Variants in KCNT2 observed in about 807,000 individuals in gnomAD.
The protein encoded by KCNT2 is potassium channel subfamily T member 2.
A neutral mutation model predicts 153.8 loss-of-function variants in KCNT2; 67 were observed. That is an observed-to-expected ratio of 0.44 (90% CI 0.36 to 0.53). KCNT2 has a LOEUF of 0.53. KCNT2 is among the 20% of genes least tolerant of loss of function. KCNT2 has a pLI of 0.00. For synonymous variants in KCNT2, 500 were observed against 458.8 expected, an observed-to-expected ratio of 1.09 and a Z score of -1.15; for missense variants, 975 against 1,354.8, an observed-to-expected ratio of 0.72 and a Z score of 4.40.
At chr1:196,442,703 C>T (rs1364268098) in intron 8 of KCNT2, among the ~76,000 whole-genome samples, 2 of 151,492 alleles carry the variant, frequency 1.3e-5, no homozygotes, top group African/African-American at 4.8e-5. Context: ...AAAACAACAA[C>T]AACAGGACTC....
chr1:196,427,831 A>G (rs1467997608), intron 10 of KCNT2, among the ~76,000 whole-genome samples: 1 of 152,104 alleles, frequency 6.6e-6, no homozygotes, highest in Non-Finnish European at 1.5e-5. Flanking sequence ...AGAAAAAGCA[A>G]TCTTTTAATT....
At chr1:196,535,239 A>G (rs1034064439) in intron 1 of KCNT2, among the ~76,000 whole-genome samples, 2 of 152,216 alleles carry the variant, frequency 1.3e-5, no homozygotes, top group African/African-American at 4.8e-5. Flanking sequence ...TGATGTATTC[A>G]CCATGTGGTC....
chr1:196,299,444 A>G (rs1660977314), intron 22 of KCNT2, among the ~76,000 whole-genome samples: 1 of 152,188 alleles, frequency 6.6e-6, no homozygotes, highest in African/African-American at 2.4e-5. Context: ...TGTTACCAAG[A>G]TGGCAGAATA....
Position 196,305,290 on chromosome 1 carries a change from A to C in KCNT2, c.2539T>G (p.Phe847Val). The C allele has an allele frequency of 6.2e-7, 1 of 1,613,038 alleles. No homozygotes were observed. Among genetic ancestry groups the C allele is most frequent in the South Asian group, 1.1e-5 (1 of 91,068 alleles). ...CAGTCTTTGGCTCTGAATTGCATGA[A>C]TCTCATGTTGGCGGGGTGAGTTAGC... ...TELTHPANMRFMQFRAKDCYS... is the reference protein window; with the variant it reads ...TELTHPANMRVMQFRAKDCYS... The change falls in exon 22 of 28, where the codon TTC becomes GTC. Residue 847 changes from phenylalanine (F) to valine (V), a missense_variant. Phe to Val is a conservative substitution (Grantham distance 50). Coordinates refer to ENST00000294725, the MANE Select transcript of KCNT2 (RefSeq NM_198503.5).
At chr1:196,578,772 T>G (rs574394440) in intron 1 of KCNT2, among the ~76,000 whole-genome samples, 1 of 152,262 alleles carries the variant, frequency 6.6e-6, no homozygotes, top group African/African-American at 2.4e-5. Flanking sequence ...CTACCCCCCA[T>G]GTCACCCACA....
intron 1 of KCNT2, among the ~76,000 whole-genome samples, chr1:196,518,007 C>T (rs762982127): frequency 6.6e-6 from 1 of 152,080 alleles, no homozygotes; most frequent in Admixed American, 6.5e-5. Flanking sequence ...TTAAAGGCAG[C>T]TAGAGAGAAA....
In KCNT2 at chr1:196,342,096, A is replaced by T; in HGVS notation, c.1536T>A (p.Ser512=). ...AAACATACTTTTTGTGTGCATGGAA[A>T]GAGGCATATGTAAAACTCTTTCCTT... ...EYEGKSFTYA[S]FHAHKKFGVC... Residue 512 remains serine, a synonymous_variant, in exon 15 of 28, where the codon TCT becomes TCA. Coordinates refer to ENST00000294725, the MANE Select transcript of KCNT2 (RefSeq NM_198503.5). 6.2e-7 allele frequency: 1 copy of T among 1,603,088 alleles called. No individual in the cohort carries two copies. Among genetic ancestry groups the T allele is most frequent in the Non-Finnish European group, 8.5e-7 (1 of 1,174,808 alleles).
At chr1:196,430,214 G>A (rs1186330692) in intron 8 of KCNT2, among the ~76,000 whole-genome samples, 1 of 151,890 alleles carries the variant, frequency 6.6e-6, no homozygotes, top group Non-Finnish European at 1.5e-5. Flanking sequence ...ATTGCCAAAT[G>A]CTATGGTTTG....
At chr1:196,253,306 T>C (rs1656155556) in intron 26 of KCNT2, among the ~76,000 whole-genome samples, 1 of 151,388 alleles carries the variant, frequency 6.6e-6, no homozygotes, top group Non-Finnish European at 1.5e-5. Flanking sequence ...TTTATGTACA[T>C]TGATAGTTTT....
intron 26 of KCNT2, among the ~76,000 whole-genome samples, chr1:196,244,107 T>C (rs1655207804): frequency 6.6e-6 from 1 of 152,120 alleles, no homozygotes. Context: ...GGGAACCTGC[T>C]TCTTTAAACA....
chr1:196,400,892 A>T (rs1416469550), intron 12 of KCNT2, among the ~76,000 whole-genome samples: 1 of 151,796 alleles, frequency 6.6e-6, no homozygotes, highest in African/African-American at 2.4e-5. Context: ...GCATGTTATA[A>T]TTTCCCTGTT....
At chr1:196,458,596 A>G (rs1676882377) in intron 8 of KCNT2, among the ~76,000 whole-genome samples, 1 of 151,952 alleles carries the variant, frequency 6.6e-6, no homozygotes. Flanking sequence ...TTAACTGCAA[A>G]TTATTTATTC....
At chr1:196,235,510 T>TA (rs1327574112) in intron 27 of KCNT2, among the ~76,000 whole-genome samples, 1 of 151,450 alleles carries the variant, frequency 6.6e-6, no homozygotes, top group African/African-American at 2.4e-5. Context: ...GAAAATGCCT[T>TA]AGTCTTTCTA....
At position 196,429,661 on chromosome 1, in the gene KCNT2, G is replaced by A. The variant is rs377111661; in HGVS notation, c.735C>T (p.Phe245=). 6.3e-5 allele frequency: 102 copies of A among 1,612,388 alleles called. No individual in the cohort carries two copies. The highest frequency in any genetic ancestry group is 7.5e-5 in the Non-Finnish European group (88 of 1,178,928). ...ACCATGTTTCAGGAGTGACATCCCCGAAGCCCACAGTAGAAAACGTCACAA... is the reference window on the plus strand; with the variant it reads ...ACCATGTTTCAGGAGTGACATCCCCAAAGCCCACAGTAGAAAACGTCACAA... ...FCIVTFSTVG[F]GDVTPETWSS... The change falls in exon 9 of 28, where the codon TTC becomes TTT. Residue 245 remains phenylalanine (F), a synonymous_variant. Coordinates refer to ENST00000294725, the MANE Select transcript of KCNT2 (RefSeq NM_198503.5).
chr1:196,514,894 C>T (rs1681927467), intron 1 of KCNT2, among the ~76,000 whole-genome samples: 2 of 152,056 alleles, frequency 1.3e-5, no homozygotes, highest in Admixed American at 1.3e-4. Context: ...CCAAGCAAGT[C>T]TGAATTTTAG....
In KCNT2 at chr1:196,257,787, G is replaced by T; in HGVS notation, c.3211+407C>A. 3 of 983,846 alleles carry T rather than the reference G, an allele frequency of 3.0e-6. No individual in the cohort carries two copies. In the South Asian group the frequency reaches 1.4e-4, roughly 46 times the overall value. 60.9% of individuals were successfully genotyped at this position (983,846 alleles called of 1,614,324 possible). ...TAAACAAATTTTATAAGAACATTTT[G>T]GTTTACCTGTGGCCAATACAATCAG... On this transcript the variant is annotated intron_variant, in intron 26 of 27. Transcript: ENST00000294725.
intron 1 of KCNT2, among the ~76,000 whole-genome samples, chr1:196,514,214 T>G (rs1681870231): frequency 6.6e-6 from 1 of 152,244 alleles, no homozygotes; most frequent in Non-Finnish European, 1.5e-5. Context: ...AAGTACTCAA[T>G]ACATTTGCTG....
At chr1:196,512,943 T>A (rs936503930) in intron 1 of KCNT2, among the ~76,000 whole-genome samples, 2 of 152,098 alleles carry the variant, frequency 1.3e-5, no homozygotes, top group Non-Finnish European at 2.9e-5. Context: ...GAGTGATGTA[T>A]AGTGACACAG....
chr1:196,500,042 A>G (rs1440715674), intron 1 of KCNT2, among the ~76,000 whole-genome samples: 2 of 151,674 alleles, frequency 1.3e-5, no homozygotes, highest in Non-Finnish European at 2.9e-5. Context: ...TACTTGGGAG[A>G]CAGAGGCAGA....
Sources: allele counts gnomAD v4.1 joint callset (sites outside exome capture counted in the v4.1 genomes callset), GRCh38; gene constraint gnomAD v4.1.1; transcripts MANE v1.5; gene names NCBI Gene and HGNC (gene_info 2026-07-23, HGNC 2026-07-21).